The following MAP4K5 variants were observed in gnomAD, a reference collection of about 807,000 sequenced individuals.
MAP4K5 encodes MAPK/ERK kinase kinase kinase 5.
In MAP4K5, 82 loss-of-function variants were observed where a neutral mutation model predicts 135.6. That is an observed-to-expected ratio of 0.60 (90% CI 0.51 to 0.73). The LOEUF (loss-of-function observed/expected upper bound fraction) is 0.73, where lower values mean the gene tolerates loss of function less well. Among genes scored for constraint, MAP4K5 ranks in the 30% least tolerant of loss-of-function variants. The probability of loss-of-function intolerance (pLI) is 0.00; values close to 1 mark genes in which losing one functional copy is unlikely to be tolerated. For missense variants in MAP4K5, 907 were observed against 1,010.9 expected, an observed-to-expected ratio of 0.90 and a Z score of 1.39; for synonymous variants, 347 against 335.0, an observed-to-expected ratio of 1.04 and a Z score of -0.39.
At chr14:50,511,701 T>A (rs998058074) in intron 2 of MAP4K5, among the ~76,000 whole-genome samples, 65 of 152,276 alleles carry the variant, frequency 4.3e-4, no homozygotes, top group Non-Finnish European at 7.5e-4. Flanking sequence ...TCAATTTTTT[T>A]AAATTAAATT....
chr14:50,494,240 T>C (rs2037547351), intron 3 of MAP4K5, among the ~76,000 whole-genome samples: 1 of 151,890 alleles, frequency 6.6e-6, no homozygotes, highest in Non-Finnish European at 1.5e-5. Context: ...CAATCTCAAC[T>C]CACTGCAACC....
chr14:50,448,450 C>T (rs1368175984), intron 15 of MAP4K5, among the ~76,000 whole-genome samples: 1 of 150,762 alleles, frequency 6.6e-6, no homozygotes, highest in African/African-American at 2.4e-5. Context: ...GTAGAATTTA[C>T]TATAAAACAA....
chr14:50,520,980 A>C (rs924720170), intron 2 of MAP4K5, among the ~76,000 whole-genome samples: 13 of 151,510 alleles, frequency 8.6e-5, no homozygotes, highest in African/African-American at 3.2e-4. Flanking sequence ...CCACCACCAC[A>C]CCCAGCTAAT....
chr14:50,554,618 C>G (rs895801696), intron 1 of MAP4K5, among the ~76,000 whole-genome samples: 3 of 152,120 alleles, frequency 2.0e-5, no homozygotes, highest in Non-Finnish European at 4.4e-5. Flanking sequence ...CCCTGAGAAC[C>G]CAAATATCTC....
At chr14:50,530,028 A>G (rs2038352492) in intron 2 of MAP4K5, among the ~76,000 whole-genome samples, 1 of 152,206 alleles carries the variant, frequency 6.6e-6, no homozygotes, top group African/African-American at 2.4e-5. Context: ...AAGGAAAACA[A>G]AAGACAAGGA....
intron 31 of MAP4K5, among the ~76,000 whole-genome samples, chr14:50,425,062 CA>C (rs1201390097): frequency 6.6e-6 from 1 of 152,076 alleles, no homozygotes; most frequent in Non-Finnish European, 1.5e-5. Context: ...AAGGTAAATG[CA>C]AACAGAAGAA....
At chr14:50,511,413 G>C (rs2037927044) in intron 2 of MAP4K5, among the ~76,000 whole-genome samples, 1 of 152,050 alleles carries the variant, frequency 6.6e-6, no homozygotes, top group Non-Finnish European at 1.5e-5. Flanking sequence ...GAAGGGTAGG[G>C]GGAAGGGAGG....
rs558895604 is a variant in MAP4K5, at chr14:50,435,414, G to C, written c.1883-349C>G. Among the ~76,000 whole-genome samples, 3 of 152,184 alleles carry C rather than the reference G, an allele frequency of 2.0e-5. No homozygotes were observed. In the South Asian group the frequency reaches 6.2e-4, roughly 32 times the overall value. On this transcript the variant is annotated intron_variant, in intron 26 of 32. Transcript: ENST00000682126. ...GGGTCTTGCTCTGTCATTCAGGCTAGAATGCAGTGGCACAGTAATAGCTAA... is the reference window on the plus strand; with the variant it reads ...GGGTCTTGCTCTGTCATTCAGGCTACAATGCAGTGGCACAGTAATAGCTAA...
In MAP4K5 at chr14:50,465,492, A is replaced by C. The variant is rs911099411; in HGVS notation, c.737+1091T>G. On this transcript the variant is annotated intron_variant, in intron 11 of 32. Coordinates refer to ENST00000682126, the MANE Select transcript of MAP4K5 (RefSeq NM_006575.6). ...GGTAAACTGCTTTACTTTGTAAGAG[A>C]AAGAAGGGATCAAGATGAAAATAAG... 1.1e-4 allele frequency among the ~76,000 whole-genome samples: 17 copies of C among 152,256 alleles called. 1 individual carries two copies. Among genetic ancestry groups the C allele is most frequent in the Admixed American group, 1.3e-4 (2 of 15,286 alleles).
intron 1 of MAP4K5, 94 bp from the exon 2 acceptor site, chr14:50,532,252 G>GC: frequency 1.9e-6 from 1 of 524,466 alleles, no homozygotes; most frequent in Non-Finnish European, 3.3e-6. Flanking sequence ...CTTCCGTCCC[G>GC]CCAGGGGCCG....
At chr14:50,469,854 A>T (rs1182840503) in intron 9 of MAP4K5, among the ~76,000 whole-genome samples, 4 of 152,200 alleles carry the variant, frequency 2.6e-5, no homozygotes, top group African/African-American at 9.7e-5. Flanking sequence ...AACTTCAATT[A>T]ATTTGAATTG....
chr14:50,536,002 G>A (rs368999582), upstream of MAP4K5, among the ~76,000 whole-genome samples: 3 of 152,208 alleles, frequency 2.0e-5, no homozygotes, highest in Non-Finnish European at 2.9e-5. Context: ...TGCTGCCATC[G>A]TGTGAGACAT....
chr14:50,491,493 C>T (rs2037482755), intron 3 of MAP4K5, among the ~76,000 whole-genome samples: 1 of 151,764 alleles, frequency 6.6e-6, no homozygotes, highest in South Asian at 2.1e-4. Context: ...GACGGGGTTT[C>T]ACCATGTTGG....
chr14:50,457,267 A>C (rs1419039161), intron 13 of MAP4K5, among the ~76,000 whole-genome samples: 4 of 151,822 alleles, frequency 2.6e-5, no homozygotes, highest in African/African-American at 9.7e-5. Context: ...AATTTTTTGG[A>C]GACTTTACAG....
chr14:50,470,305 A>G (rs953532776), intron 9 of MAP4K5, among the ~76,000 whole-genome samples: 6 of 152,132 alleles, frequency 3.9e-5, no homozygotes, highest in African/African-American at 1.2e-4. Flanking sequence ...ATAAACACAG[A>G]AAAAGGGTAT....
chr14:50,502,547 T>A (rs2037729020), intron 3 of MAP4K5, among the ~76,000 whole-genome samples: 1 of 152,158 alleles, frequency 6.6e-6, no homozygotes, highest in African/African-American at 2.4e-5. Flanking sequence ...CCTTTACTAT[T>A]GTCAAAATGC....
chr14:50,448,806 G>C lies in MAP4K5; in HGVS notation c.1042C>G (p.Leu348Val). 1 of 1,566,230 alleles carries C rather than the reference G, an allele frequency of 6.4e-7. No individual in the cohort carries two copies. Among genetic ancestry groups the C allele is most frequent in the Non-Finnish European group, 8.7e-7 (1 of 1,150,336 alleles). Residue 348 changes from leucine to valine, a missense_variant, in exon 15 of 33, where the codon CTG becomes GTG. Leu to Val is a conservative substitution (Grantham distance 32, BLOSUM62 1). Coordinates refer to ENST00000682126, the MANE Select transcript of MAP4K5 (RefSeq NM_006575.6). ...NFDKLQFEPP[L>V]RKETEARDEM... Reference sequence around the variant, plus strand: ...TCTCGTGCTTCTGTTTCTTTTCTCAGAGGAGGTTCAAATTGTAATTTGTCA... The same window carrying C: ...TCTCGTGCTTCTGTTTCTTTTCTCACAGGAGGTTCAAATTGTAATTTGTCA...
At chr14:50,426,894 A>C (rs541510430) in intron 30 of MAP4K5, among the ~76,000 whole-genome samples, 1 of 152,364 alleles carries the variant, frequency 6.6e-6, no homozygotes, top group East Asian at 1.9e-4. Flanking sequence ...AAAGTGATGG[A>C]GGAAAGTAAC....
rs1396923396 is a variant in MAP4K5, at chr14:50,476,307, C to A, written c.379-1G>T. The A allele has an allele frequency of 2.9e-6, 4 of 1,391,436 alleles. No individual in the cohort carries two copies. Among genetic ancestry groups the A allele is most frequent in the South Asian group, 1.6e-5 (1 of 60,690 alleles). 86.2% of individuals were successfully genotyped at this position (1,391,436 alleles called of 1,614,324 possible). A position where few individuals can be genotyped will look rare whatever the true frequency, so the allele number is the denominator to read the frequency against. On this transcript the variant is annotated splice_acceptor_variant, in intron 6 of 32. Transcript: ENST00000682126. LOFTEE classifies it high-confidence loss of function. ...CTTTAGTATGCAAATAGGCAAGACC[C>A]TAAAAGTTTAAAAAAAAAAAAAAAG...
Sources: gnomAD v4.1 joint callset for allele counts (sites outside exome capture counted in the v4.1 genomes callset) on GRCh38, gnomAD v4.1.1 for gene constraint, MANE v1.5 for transcripts, NCBI Gene and HGNC (gene_info 2026-07-23, HGNC 2026-07-21) for gene names.